GRID2: variants seen among roughly 807,000 people sequenced by gnomAD.
The protein encoded by GRID2 is glutamate ionotropic receptor delta type subunit 2.
Under a neutral mutation model 114.8 loss-of-function variants are expected in GRID2, and 33 were observed. The ratio of observed to expected loss-of-function variants is 0.29; its 90% CI spans 0.22 to 0.38. GRID2 has a LOEUF of 0.38. Among genes scored for constraint, GRID2 ranks in the 10% least tolerant of loss-of-function variants. The pLI is 1.00. For synonymous variants in GRID2, 505 were observed against 449.9 expected, an observed-to-expected ratio of 1.12 and a Z score of -1.55; for missense variants, 1,184 against 1,257.7, an observed-to-expected ratio of 0.94 and a Z score of 0.89.
intron 4 of GRID2, among the ~76,000 whole-genome samples, chr4:93,162,583 A>G (rs1393314179): frequency 6.6e-6 from 1 of 151,962 alleles, no homozygotes; most frequent in Non-Finnish European, 1.5e-5. Context: ...TAAGCTTAGC[A>G]ACCCATAATT....
chr4:92,393,604 G>C (rs1298544173), intron 1 of GRID2, among the ~76,000 whole-genome samples: 1 of 151,924 alleles, frequency 6.6e-6, no homozygotes, highest in Non-Finnish European at 1.5e-5. Context: ...TTCATTTTCT[G>C]TTCACTCCAT....
Position 93,626,250 on chromosome 4 carries a change from G to A in GRID2, c.2194-19G>A. ...AACTTTAAACCCTATTTCTTCTTTT[G>A]TTCTTCATTTTTTCACAGGTAAAAT... On this transcript the variant is annotated intron_variant, in intron 13 of 15. Transcript: ENST00000282020. The A allele has an allele frequency of 6.7e-7, 1 of 1,489,544 alleles. No homozygotes were observed. Among genetic ancestry groups the A allele is most frequent in the South Asian group, 1.2e-5 (1 of 83,832 alleles). 92.3% of individuals were successfully genotyped at this position (1,489,544 alleles called of 1,614,324 possible).
At chr4:93,132,812 A>G (rs1319775473) in intron 4 of GRID2, among the ~76,000 whole-genome samples, 6 of 152,138 alleles carry the variant, frequency 3.9e-5, no homozygotes, top group Non-Finnish European at 5.9e-5. Flanking sequence ...TGTGCTTCGA[A>G]ATAGCTCAAT....
rs867495398 is a variant in GRID2 at position 93,258,047 on chromosome 4, T to C, written c.1245+19557T>C. ...ACACACAATACTGGTAATACTAATA[T>C]ACACAATACTGGTAATACTAATACA... is the stretch of plus-strand genomic sequence containing the variant. On this transcript the variant is annotated intron_variant, in intron 8 of 15. Transcript: ENST00000282020. Among the ~76,000 whole-genome samples the C allele has an allele frequency of 5.5e-3, 821 of 149,738 alleles. 12 individuals are homozygous for C. Among genetic ancestry groups the C allele is most frequent in the African/African-American group, 0.019 (771 of 40,944 alleles).
At chr4:92,527,047 G>A (rs1414379860) in intron 1 of GRID2, among the ~76,000 whole-genome samples, 1 of 151,748 alleles carries the variant, frequency 6.6e-6, no homozygotes, top group East Asian at 1.9e-4. Context: ...AACATCAAGG[G>A]ATGAGGATAC....
At chr4:93,053,086 C>T (rs748886035) in intron 2 of GRID2, among the ~76,000 whole-genome samples, 13 of 151,886 alleles carry the variant, frequency 8.6e-5, no homozygotes, top group Admixed American at 2.6e-4. Context: ...GTGGCACACT[C>T]GCCTCCCACT....
At chr4:93,054,335 T>C (rs1443905188) in intron 2 of GRID2, among the ~76,000 whole-genome samples, 1 of 151,276 alleles carries the variant, frequency 6.6e-6, no homozygotes, top group Non-Finnish European at 1.5e-5. Context: ...TTTGGTAGTA[T>C]TTTTATATTA....
intron 8 of GRID2, among the ~76,000 whole-genome samples, chr4:93,349,064 A>G (rs897547653): frequency 6.6e-6 from 1 of 152,172 alleles, no homozygotes; most frequent in Admixed American, 6.6e-5. Context: ...AGATGCAGTC[A>G]GAATGGCAGG....
chr4:93,718,510 T>C (rs1729093566), intron 14 of GRID2, among the ~76,000 whole-genome samples: 1 of 152,228 alleles, frequency 6.6e-6, no homozygotes, highest in African/African-American at 2.4e-5. Context: ...TAGTTTGCTT[T>C]AATTTTATTT....
At position 92,573,852 on chromosome 4, in the gene GRID2, T is replaced by C. The variant is rs138910615; in HGVS notation, c.89-16279T>C. Among the ~76,000 whole-genome samples the C allele has an allele frequency of 9.0e-4, 137 of 152,116 alleles. 1 individual carries two copies. The highest frequency in any genetic ancestry group is 1.6e-3 in the Non-Finnish European group (109 of 67,948). ...TCAACTTGATCCAGAGCTGAGTTCATGTCCTGAGTATCTGTGAATTTACTG... is the reference window on the plus strand; with the variant it reads ...TCAACTTGATCCAGAGCTGAGTTCACGTCCTGAGTATCTGTGAATTTACTG... On this transcript the variant is annotated intron_variant, in intron 1 of 15. Transcript: ENST00000282020.
intron 13 of GRID2, among the ~76,000 whole-genome samples, chr4:93,625,207 A>C (rs913419640): frequency 9.2e-5 from 14 of 152,234 alleles, no homozygotes; most frequent in African/African-American, 3.1e-4. Flanking sequence ...TTAGAAGCCT[A>C]GTAACCCAAG....
Position 92,975,156 on chromosome 4 carries a change from C to CAAAAAAAAAAAAAAAAAAAAAAAA in GRID2, c.245-109818_245-109817insAAAAAAAAAAAAAAAAAAAAAAAA, listed in dbSNP as rs527770693. Among the ~76,000 whole-genome samples the CAAAAAAAAAAAAAAAAAAAAAAAA allele has an allele frequency of 8.1e-4, 38 of 46,676 alleles. 5 individuals are homozygous for CAAAAAAAAAAAAAAAAAAAAAAAA. Among genetic ancestry groups the CAAAAAAAAAAAAAAAAAAAAAAAA allele is most frequent in the East Asian group, 1.8e-3 (3 of 1,628 alleles). 30.6% of individuals were successfully genotyped at this position (46,676 alleles called of 152,430 possible). ...TGGGCGACAGAGTGAGATTCCGCCT[C>CAAAAAAAAAAAAAAAAAAAAAAAA]AAAAAAAAAAAAAAAAAAAAAGGTG... On this transcript the variant is annotated intron_variant, in intron 2 of 15. Transcript: ENST00000282020.
At chr4:93,406,636 G>A (rs1279937829) in intron 9 of GRID2, among the ~76,000 whole-genome samples, 1 of 152,114 alleles carries the variant, frequency 6.6e-6, no homozygotes, top group Non-Finnish European at 1.5e-5. Flanking sequence ...ATTGTATCAA[G>A]AATTCAAAAG....
At chr4:92,636,554 G>A (rs1040524087) in intron 2 of GRID2, among the ~76,000 whole-genome samples, 2 of 152,010 alleles carry the variant, frequency 1.3e-5, no homozygotes, top group African/African-American at 4.8e-5. Context: ...GGTGGTAGGG[G>A]ACAGTGTGGG....
chr4:92,726,721 AAAGCAGTT>A (rs1736086004), intron 2 of GRID2, among the ~76,000 whole-genome samples: 1 of 152,120 alleles, frequency 6.6e-6, no homozygotes, highest in Non-Finnish European at 1.5e-5. Context: ...TAAAGTTACT[AAAGCAGTT>A]AATCCATATC....
chr4:93,185,568 T>C (rs1235729043), intron 4 of GRID2, among the ~76,000 whole-genome samples: 1 of 152,182 alleles, frequency 6.6e-6, no homozygotes, highest in Non-Finnish European at 1.5e-5. Flanking sequence ...TATGGTACTT[T>C]GTATATCTCT....
intron 8 of GRID2, among the ~76,000 whole-genome samples, chr4:93,360,107 C>A (rs530580191): frequency 1.3e-5 from 2 of 151,894 alleles, no homozygotes; most frequent in African/African-American, 4.8e-5. Flanking sequence ...GAGACAACTT[C>A]TTTATAGCTG....
At chr4:92,340,878 G>C (rs1727445257) in intron 1 of GRID2, among the ~76,000 whole-genome samples, 1 of 152,132 alleles carries the variant, frequency 6.6e-6, no homozygotes, top group Non-Finnish European at 1.5e-5. Flanking sequence ...CTCTGTCTCT[G>C]AGTTTTTTTC....
At chr4:93,202,444 C>T (rs945959644) in intron 4 of GRID2, among the ~76,000 whole-genome samples, 3 of 152,000 alleles carry the variant, frequency 2.0e-5, no homozygotes, top group Non-Finnish European at 2.9e-5. Flanking sequence ...ATTTCAAATA[C>T]GTTCACTGCT....
Sources: gnomAD v4.1 joint callset for allele counts (sites outside exome capture counted in the v4.1 genomes callset) on GRCh38, gnomAD v4.1.1 for gene constraint, MANE v1.5 for transcripts, NCBI Gene and HGNC (gene_info 2026-07-23, HGNC 2026-07-21) for gene names.